Variants in GMDS observed in about 807,000 individuals in gnomAD.
GMDS encodes GDP-mannose 4,6-dehydratase.
A neutral mutation model predicts 49.9 loss-of-function variants in GMDS; 20 were observed. That is an observed-to-expected ratio of 0.40 (90% CI 0.28 to 0.58). GMDS has a LOEUF of 0.58. GMDS is among the 20% of genes least tolerant of loss of function. The pLI is 0.42. For missense variants in GMDS, 362 were observed against 481.4 expected, an observed-to-expected ratio of 0.75 and a Z score of 2.32; for synonymous variants, 177 against 178.6, an observed-to-expected ratio of 0.99 and a Z score of 0.07.
chr6:1,848,682 C>T (rs961713700), intron 7 of GMDS, among the ~76,000 whole-genome samples: 3 of 152,210 alleles, frequency 2.0e-5, no homozygotes, highest in Non-Finnish European at 2.9e-5. Flanking sequence ...GGGGTGGGAA[C>T]GTCCAGAGGG....
chr6:1,971,898 C>G (rs1308095557), intron 4 of GMDS, among the ~76,000 whole-genome samples: 1 of 152,212 alleles, frequency 6.6e-6, no homozygotes, highest in Non-Finnish European at 1.5e-5. Context: ...CCAGCTCTTG[C>G]TTTTTTTCTA....
At chr6:1,938,950 C>G (rs993165452) in intron 6 of GMDS, among the ~76,000 whole-genome samples, 7 of 149,100 alleles carry the variant, frequency 4.7e-5, no homozygotes, top group African/African-American at 7.4e-5. Context: ...TTCCTCCCTT[C>G]TTTCCTCCCC....
intron 4 of GMDS, among the ~76,000 whole-genome samples, chr6:1,963,778 T>A (rs1245855599): frequency 6.6e-6 from 1 of 152,184 alleles, no homozygotes; most frequent in East Asian, 1.9e-4. Context: ...TAGTGGCCAC[T>A]GAGCAGATCA....
intron 4 of GMDS, among the ~76,000 whole-genome samples, chr6:1,972,407 GT>G (rs1764674540): frequency 6.6e-6 from 1 of 151,538 alleles, no homozygotes; most frequent in Admixed American, 6.6e-5. Context: ...CATGATTTCT[GT>G]ATAAGAAAAT....
intron 4 of GMDS, among the ~76,000 whole-genome samples, chr6:1,969,562 C>T (rs1764482730): frequency 6.6e-6 from 1 of 152,158 alleles, no homozygotes; most frequent in African/African-American, 2.4e-5. Context: ...TTGCTTGTAA[C>T]ATACGTTGTT....
At chr6:1,901,751 G>T (rs942702045) in intron 7 of GMDS, among the ~76,000 whole-genome samples, 31 of 152,304 alleles carry the variant, frequency 2.0e-4, no homozygotes, top group African/African-American at 7.5e-4. Flanking sequence ...TGCTCATTCA[G>T]TGTATACTGA....
intron 9 of GMDS, among the ~76,000 whole-genome samples, chr6:1,708,083 G>A (rs186207181): frequency 6.6e-5 from 10 of 152,290 alleles, no homozygotes; most frequent in East Asian, 5.8e-4. Flanking sequence ...GCACTCATCC[G>A]ATTTTAATGG....
At chr6:1,942,929 T>C (rs575552451) in intron 6 of GMDS, among the ~76,000 whole-genome samples, 7 of 152,380 alleles carry the variant, frequency 4.6e-5, no homozygotes, top group South Asian at 4.1e-4. Flanking sequence ...CTTTACTGGA[T>C]TGCTGTCACT....
intron 4 of GMDS, among the ~76,000 whole-genome samples, chr6:2,075,977 T>G (rs1425561291): frequency 6.6e-6 from 1 of 152,164 alleles, no homozygotes; most frequent in Admixed American, 6.5e-5. Context: ...TATCTCACTG[T>G]GGTTTTGATT....
intron 7 of GMDS, among the ~76,000 whole-genome samples, chr6:1,917,337 C>T (rs573445676): frequency 1.5e-3 from 221 of 152,320 alleles, no homozygotes; most frequent in African/African-American, 4.9e-3. Flanking sequence ...CTGGAACCCA[C>T]TGCCTGATAC....
intron 6 of GMDS, among the ~76,000 whole-genome samples, chr6:1,944,815 T>A (rs78237628): frequency 0.012 from 1,847 of 152,306 alleles, 37 homozygotes; most frequent in African/African-American, 0.042. Context: ...GATAGAAAAT[T>A]GGGACAAGAT....
chr6:1,652,640 TATA>T, intron 9 of GMDS, among the ~76,000 whole-genome samples: 1 of 13,422 alleles, frequency 7.5e-5, no homozygotes, highest in African/African-American at 2.5e-4. Flanking sequence ...ATATAATATA[TATA>T]ATATATATTA....
rs1338678906 is a variant in GMDS at position 2,192,390 on chromosome 6, A to G, written c.102+52931T>C. Among the ~76,000 whole-genome samples, 3 of 152,206 alleles carry G rather than the reference A, an allele frequency of 2.0e-5. No individual in the cohort carries two copies. In the East Asian group the frequency reaches 5.8e-4, roughly 29 times the overall value. On this transcript the variant is annotated intron_variant, in intron 1 of 10. Transcript: ENST00000380815. ...TGCGTACCTCAGTCTTCCTGGTCACAAGACAAGAACTCAGGACCCACTAAA... is the reference window on the plus strand; with the variant it reads ...TGCGTACCTCAGTCTTCCTGGTCACGAGACAAGAACTCAGGACCCACTAAA...
intron 7 of GMDS, among the ~76,000 whole-genome samples, chr6:1,883,963 AGAATAGATG>A (rs1759483304): frequency 6.6e-6 from 1 of 152,204 alleles, no homozygotes; most frequent in South Asian, 2.1e-4. Context: ...CAGTTCATTT[AGAATAGATG>A]GACAGAACAT....
At chr6:1,892,859 C>G (rs964943424) in intron 7 of GMDS, among the ~76,000 whole-genome samples, 17 of 152,190 alleles carry the variant, frequency 1.1e-4, no homozygotes, top group African/African-American at 4.1e-4. Context: ...TGACTTGCAG[C>G]TGCAGTTTCC....
chr6:1,663,856 C>T (rs771073545), intron 9 of GMDS, among the ~76,000 whole-genome samples: 4 of 152,124 alleles, frequency 2.6e-5, no homozygotes, highest in Non-Finnish European at 5.9e-5. Context: ...CAGATCTCCT[C>T]CTGACATGTT....
intron 4 of GMDS, among the ~76,000 whole-genome samples, chr6:2,090,743 G>T (rs913593912): frequency 6.6e-6 from 1 of 152,142 alleles, no homozygotes; most frequent in Non-Finnish European, 1.5e-5. Context: ...TAATTTGAAC[G>T]ACTCTTCTGC....
intron 7 of GMDS, among the ~76,000 whole-genome samples, chr6:1,838,624 G>A (rs1196027024): frequency 6.6e-6 from 1 of 152,128 alleles, no homozygotes; most frequent in African/African-American, 2.4e-5. Context: ...ATGATTTCTT[G>A]GTTAGTACTG....
chr6:1,951,846 T>C, intron 6 of GMDS: 1 of 946,552 alleles, frequency 1.1e-6, no homozygotes, highest in Non-Finnish European at 1.3e-6. Flanking sequence ...TAAAGGAATA[T>C]TGCCTTTAAG....
Sources: gnomAD v4.1 joint callset for allele counts (sites outside exome capture counted in the v4.1 genomes callset) on GRCh38, gnomAD v4.1.1 for gene constraint, MANE v1.5 for transcripts, NCBI Gene and HGNC (gene_info 2026-07-23, HGNC 2026-07-21) for gene names.